The following NDUFB5 variants were observed in gnomAD, a reference collection of about 807,000 sequenced individuals.
NDUFB5 encodes the protein NADH:ubiquinone oxidoreductase subunit B5, also known as NADH dehydrogenase [ubiquinone] 1 beta subcomplex subunit 5, mitochondrial.
In NDUFB5, 19 loss-of-function variants were observed where a neutral mutation model predicts 19.4. That is an observed-to-expected ratio of 0.98 (90% confidence interval 0.68 to 1.43). The LOEUF (loss-of-function observed/expected upper bound fraction) is 1.43, where lower values mean the gene tolerates loss of function less well. NDUFB5 is among the 40% of genes most tolerant of loss of function. NDUFB5 has a pLI of 0.00. For missense variants in NDUFB5, 233 were observed against 236.5 expected (o/e 0.99, Z 0.10); for synonymous variants, 80 against 82.6 (o/e 0.97, Z 0.17).
At chr3:179,613,493 A>G (rs1403753980) in intron 1 of NDUFB5, among the ~76,000 whole-genome samples, 1 of 152,214 alleles carries the variant, frequency 6.6e-6, no homozygotes, top group Non-Finnish European at 1.5e-5. Flanking sequence ...GTTCTAGCAT[A>G]GGATCTGCAC....
intron 2 of NDUFB5, 21 bp downstream of exon 2, chr3:179,615,080 G>A: frequency 6.4e-7 from 1 of 1,554,600 alleles, no homozygotes; most frequent in East Asian, 2.3e-5. Flanking sequence ...ATTTTTTGTT[G>A]AATTAAAGTC....
intron 5 of NDUFB5, among the ~76,000 whole-genome samples, chr3:179,621,198 C>T (rs536111131): frequency 1.9e-4 from 29 of 152,216 alleles, no homozygotes; most frequent in African/African-American, 6.7e-4. Flanking sequence ...CCACCCAAGC[C>T]TCCCTAGTAG....
intron 5 of NDUFB5, among the ~76,000 whole-genome samples, chr3:179,619,121 T>C (rs1719458922): frequency 1.3e-5 from 2 of 151,774 alleles, no homozygotes; most frequent in Admixed American, 6.6e-5. Flanking sequence ...TTCTTTCTTA[T>C]ACATTATATT....
chr3:179,618,457 C>A lies in NDUFB5; in HGVS notation c.385C>A (p.Pro129Thr), dbSNP rs1244087533. Residue 129 changes from proline to threonine, a missense_variant, in exon 5 of 6, where the codon CCT becomes ACT. Physicochemically the swap from Pro to Thr is conservative, Grantham distance 38. Coordinates refer to ENST00000259037, the MANE Select transcript of NDUFB5 (RefSeq NM_002492.4). ...RWIARNFYDS[P>T]EKIYERTMAV... ...GATTGCCCGTAATTTCTATGATAGT[C>A]CTGAAAAGATATATGAAAGAACAAT... 2 of 1,611,326 alleles carry A rather than the reference C, an allele frequency of 1.2e-6. No homozygotes were observed. Among genetic ancestry groups the A allele is most frequent in the African/African-American group, 1.3e-5 (1 of 74,678 alleles).
chr3:179,616,610 T>C (rs1719386178), intron 3 of NDUFB5, among the ~76,000 whole-genome samples: 2 of 152,176 alleles, frequency 1.3e-5, no homozygotes, highest in South Asian at 4.1e-4. Flanking sequence ...CATTAGATTT[T>C]CGTGGGAAAT....
chr3:179,626,549 G>A lies in NDUFB5; in HGVS notation c.*2509G>A, dbSNP rs1464996841. 6.6e-6 allele frequency: 1 copy of A among 151,562 alleles called. No homozygotes were observed. Among genetic ancestry groups the A allele is most frequent in the Non-Finnish European group, 1.5e-5 (1 of 68,088 alleles). 9.4% of individuals were successfully genotyped at this position (151,562 alleles called of 1,614,324 possible). A position where few individuals can be genotyped will look rare whatever the true frequency, so the allele number is the denominator to read the frequency against. On this transcript the variant is annotated 3_prime_UTR_variant, in exon 6 of 6. Transcript: ENST00000259037. ...GCCTTTTTGTCCATTTTATTTTTTTGAGATGGAGTCTTGCTGTGTCACCCA... is the reference window on the plus strand; with the variant it reads ...GCCTTTTTGTCCATTTTATTTTTTTAAGATGGAGTCTTGCTGTGTCACCCA...
In NDUFB5 at chr3:179,623,913, G is replaced by A. The variant is rs753582836; in HGVS notation, c.450-7G>A. The A allele has an allele frequency of 8.1e-6, 13 of 1,613,352 alleles. No individual in the cohort carries two copies. In the Admixed American group the frequency reaches 8.4e-5, roughly 10 times the overall value. On this transcript the variant is annotated splice_region_variant and splice_polypyrimidine_tract_variant and intron_variant, in intron 5 of 5. Coordinates refer to ENST00000259037, the MANE Select transcript of NDUFB5 (RefSeq NM_002492.4). ...GAATCTCAATATTGCTGTTCCATTT[G>A]TTACAGGGTAAAGGAGCTGGAAGTG...
intron 5 of NDUFB5, among the ~76,000 whole-genome samples, chr3:179,619,173 C>T (rs1719460646): frequency 6.7e-6 from 1 of 148,178 alleles, no homozygotes; most frequent in African/African-American, 2.5e-5. Flanking sequence ...ATTTTTTCCC[C>T]TCTCTTATGG....
At chr3:179,610,525 T>G (rs1719213108) in intron 1 of NDUFB5, among the ~76,000 whole-genome samples, 1 of 152,250 alleles carries the variant, frequency 6.6e-6, no homozygotes, top group African/African-American at 2.4e-5. Flanking sequence ...TTTACTCTGC[T>G]GATAGCGTCC....
chr3:179,617,200 C>T (rs1307653157), intron 4 of NDUFB5, 156 bp downstream of exon 4: 20 of 488,392 alleles, frequency 4.1e-5, no homozygotes, highest in Admixed American at 7.9e-5. Context: ...TGCAGTGGCG[C>T]GATTTCAGCT....
chr3:179,621,972 C>G (rs900997986), intron 5 of NDUFB5, among the ~76,000 whole-genome samples: 2 of 151,864 alleles, frequency 1.3e-5, no homozygotes, highest in Non-Finnish European at 2.9e-5. Context: ...ACCATGTCTT[C>G]CTTTTCTTTT....
intron 3 of NDUFB5, 76 bp downstream of exon 3, chr3:179,616,125 G>A: frequency 1.0e-6 from 1 of 1,000,356 alleles, no homozygotes; most frequent in South Asian, 1.5e-5. Flanking sequence ...ATATAAAAAA[G>A]AAATTATGGA....
intron 5 of NDUFB5, among the ~76,000 whole-genome samples, chr3:179,620,875 C>T (rs1039468423): frequency 6.6e-6 from 1 of 152,170 alleles, no homozygotes; most frequent in Non-Finnish European, 1.5e-5. Context: ...TATTGCCAAA[C>T]TCTTCTCCAA....
At chr3:179,617,072 A>C (rs1288869922) in intron 4 of NDUFB5, 28 bp downstream of exon 4, 1 of 1,490,024 alleles carries the variant, frequency 6.7e-7, no homozygotes, top group East Asian at 2.3e-5. Flanking sequence ...ACAATTACAT[A>C]CTGTTACATG....
chr3:179,622,863 A>G (rs1719575065), intron 5 of NDUFB5, among the ~76,000 whole-genome samples: 1 of 152,238 alleles, frequency 6.6e-6, no homozygotes, highest in Non-Finnish European at 1.5e-5. Flanking sequence ...AAAAGGTTTG[A>G]TGGAGAAGGG....
intron 4 of NDUFB5, 25 bp downstream of exon 4, chr3:179,617,069 C>T (rs1178176223): frequency 1.4e-6 from 2 of 1,479,142 alleles, no homozygotes; most frequent in East Asian, 4.5e-5. Context: ...TTGACAATTA[C>T]ATACTGTTAC....
intron 1 of NDUFB5, among the ~76,000 whole-genome samples, chr3:179,612,924 G>T (rs1461373451): frequency 1.3e-5 from 2 of 152,194 alleles, no homozygotes; most frequent in Non-Finnish European, 2.9e-5. Context: ...CGACAGGGAA[G>T]ATCATCCTGT....
chr3:179,605,183 C>T lies in NDUFB5; in HGVS notation c.124+244C>T, dbSNP rs78497319. The stretch of plus-strand genomic sequence containing the variant: ...CACCATCCCAATTAATGCTAATTTG[C>T]GGATGAAGCTGAGTCTAGAAAGGTA... On this transcript the variant is annotated intron_variant, in intron 1 of 5. Transcript: ENST00000259037. Among the ~76,000 whole-genome samples, 4 of 152,094 alleles carry T rather than the reference C, an allele frequency of 2.6e-5. No homozygotes were observed. The South Asian group carries it at 6.2e-4, about 24-fold the overall frequency.
At position 179,625,341 on chromosome 3, in the gene NDUFB5, C is replaced by T. The variant is rs1476717069; in HGVS notation, c.*1301C>T. 1.3e-5 allele frequency: 2 copies of T among 152,118 alleles called. No individual in the cohort carries two copies. The highest frequency in any genetic ancestry group is 2.9e-5 in the Non-Finnish European group (2 of 68,030). 9.4% of individuals were successfully genotyped at this position (152,118 alleles called of 1,614,324 possible). On this transcript the variant is annotated 3_prime_UTR_variant, in exon 6 of 6. Transcript: ENST00000259037. ...TAAGATTCAGGCCAGTGGGTCTCCACTTAAGGCCAAATGGAGAAATAATTT... is the reference window on the plus strand; with the variant it reads ...TAAGATTCAGGCCAGTGGGTCTCCATTTAAGGCCAAATGGAGAAATAATTT...
Sources: allele counts gnomAD v4.1 joint callset (sites outside exome capture counted in the v4.1 genomes callset), GRCh38; gene constraint gnomAD v4.1.1; transcripts MANE v1.5; gene names NCBI Gene and HGNC (gene_info 2026-07-23, HGNC 2026-07-21).